The following TASP1 variants were observed in gnomAD, a reference collection of about 807,000 sequenced individuals.
The protein encoded by TASP1 is taspase 1.
In TASP1, 16 loss-of-function variants were observed where a neutral mutation model predicts 56.6. The observed-to-expected ratio is 0.28, with a 90% CI of 0.19 to 0.43. The LOEUF is 0.43. TASP1 is among the 20% of genes least tolerant of loss of function. TASP1 has a pLI of 1.00. For synonymous variants in TASP1, 179 were observed against 184.2 expected, an observed-to-expected ratio of 0.97 and a Z score of 0.23; for missense variants, 393 against 511.6, an observed-to-expected ratio of 0.77 and a Z score of 2.24.
chr20:13,609,851 C>A (rs1395700627), intron 4 of TASP1, among the ~76,000 whole-genome samples: 1 of 151,998 alleles, frequency 6.6e-6, no homozygotes, highest in African/African-American at 2.4e-5. Flanking sequence ...GTAGAAACAA[C>A]CCATATGTCC....
chr20:13,381,962 C>A, the TASP1 span, among the ~76,000 whole-genome samples: 1 of 152,156 alleles, frequency 6.6e-6, no homozygotes, highest in Non-Finnish European at 1.5e-5. Context: ...GGAAAGTAGC[C>A]TCCAGCCTCT....
At chr20:13,224,263 G>T in the TASP1 span, among the ~76,000 whole-genome samples, 1 of 152,142 alleles carries the variant, frequency 6.6e-6, no homozygotes, top group African/African-American at 2.4e-5. Flanking sequence ...TATTATAAAA[G>T]TTTTATACTC....
At chr20:13,518,867 C>T (rs907853798) in intron 10 of TASP1, among the ~76,000 whole-genome samples, 1 of 152,084 alleles carries the variant, frequency 6.6e-6, no homozygotes, top group African/African-American at 2.4e-5. Flanking sequence ...ACCAAAAAGA[C>T]AAGGCACTCA....
intron 8 of TASP1, among the ~76,000 whole-genome samples, chr20:13,557,649 C>T (rs541910439): frequency 1.2e-4 from 17 of 141,634 alleles, no homozygotes; most frequent in African/African-American, 3.8e-4. Context: ...GACATGATCA[C>T]GGCTCACTGC....
chr20:13,124,202 G>C, the TASP1 span, among the ~76,000 whole-genome samples: 3 of 152,098 alleles, frequency 2.0e-5, no homozygotes, highest in African/African-American at 7.2e-5. Context: ...ATGGATGCCA[G>C]GGACTAGCCT....
At chr20:13,116,110 C>T in the TASP1 span, among the ~76,000 whole-genome samples, 1 of 152,194 alleles carries the variant, frequency 6.6e-6, no homozygotes, top group Non-Finnish European at 1.5e-5. Flanking sequence ...ACAAATGCTG[C>T]ACCCAGTGAT....
At chr20:13,638,553 A>G (rs2049397284) in intron 1 of TASP1, among the ~76,000 whole-genome samples, 1 of 152,122 alleles carries the variant, frequency 6.6e-6, no homozygotes, top group Non-Finnish European at 1.5e-5. Context: ...CTGTCTGCGA[A>G]CCTCGGACTC....
intron 11 of TASP1, among the ~76,000 whole-genome samples, chr20:13,445,444 G>C (rs1019206957): frequency 6.6e-6 from 1 of 152,144 alleles, no homozygotes; most frequent in Admixed American, 6.6e-5. Flanking sequence ...TTCTTTTTCT[G>C]AATATTCCAT....
the TASP1 span, among the ~76,000 whole-genome samples, chr20:13,208,872 A>G: frequency 6.6e-6 from 1 of 152,232 alleles, no homozygotes; most frequent in African/African-American, 2.4e-5. Context: ...TAGACTTGTG[A>G]GAAATAATAA....
chr20:13,500,568 A>C (rs56126409), intron 10 of TASP1, among the ~76,000 whole-genome samples: 112 of 152,064 alleles, frequency 7.4e-4, no homozygotes, highest in African/African-American at 2.6e-3. Flanking sequence ...AAACTCCAAC[A>C]TAGAAAACCT....
At chr20:13,270,512 C>T in the TASP1 span, 1 of 1,612,652 alleles carries the variant, frequency 6.2e-7, no homozygotes, top group Non-Finnish European at 8.5e-7. Context: ...AGAATAACCT[C>T]AACGTGGGAA....
At chr20:13,430,590 C>T (rs1419568501) in intron 12 of TASP1, among the ~76,000 whole-genome samples, 1 of 152,192 alleles carries the variant, frequency 6.6e-6, no homozygotes, top group Admixed American at 6.5e-5. Flanking sequence ...AAGGAGGAAG[C>T]CACAATGCCT....
the TASP1 span, among the ~76,000 whole-genome samples, chr20:13,145,529 GA>G: frequency 1.3e-5 from 2 of 152,082 alleles, no homozygotes; most frequent in Non-Finnish European, 2.9e-5. Context: ...TCATGGATAG[GA>G]AGAATCAACA....
intron 8 of TASP1, 105 bp from the exon 9 acceptor site, chr20:13,534,246 C>G (rs2045331768): frequency 7.4e-7 from 1 of 1,346,500 alleles, no homozygotes; most frequent in South Asian, 1.9e-5. Context: ...AAAATCTAAA[C>G]TAATCCCTAA....
chr20:13,537,682 T>C (rs554975368), intron 8 of TASP1, among the ~76,000 whole-genome samples: 3 of 152,268 alleles, frequency 2.0e-5, no homozygotes, highest in Admixed American at 6.5e-5. Flanking sequence ...TTTGATAAAA[T>C]TGTAACTAAA....
the TASP1 span, chr20:13,270,617 G>A: frequency 2.8e-4 from 454 of 1,613,884 alleles, no homozygotes; most frequent in Non-Finnish European, 3.5e-4. Flanking sequence ...TCCCCAGACC[G>A]CGATTCCGAC....
At chr20:13,232,325 A>G in the TASP1 span, among the ~76,000 whole-genome samples, 1 of 152,308 alleles carries the variant, frequency 6.6e-6, no homozygotes, top group South Asian at 2.1e-4. Flanking sequence ...AGCAATCTCC[A>G]AGCAACCACT....
At chr20:13,477,013 A>G (rs1197224501) in intron 11 of TASP1, among the ~76,000 whole-genome samples, 1 of 152,198 alleles carries the variant, frequency 6.6e-6, no homozygotes, top group Non-Finnish European at 1.5e-5. Flanking sequence ...CCTGGAAAAG[A>G]GAACATTATA....
intron 6 of TASP1, among the ~76,000 whole-genome samples, chr20:13,580,173 C>T (rs906310829): frequency 3.3e-5 from 5 of 152,240 alleles, no homozygotes; most frequent in Admixed American, 3.3e-4. Context: ...GGGCCAGGCA[C>T]AGCGGCTCAT....
Sources: allele counts gnomAD v4.1 joint callset (sites outside exome capture counted in the v4.1 genomes callset), GRCh38; gene constraint gnomAD v4.1.1; transcripts MANE v1.5; gene names NCBI Gene and HGNC (gene_info 2026-07-23, HGNC 2026-07-21).